The following ARHGEF28 variants were observed in gnomAD, a reference collection of about 807,000 sequenced individuals.
The protein encoded by ARHGEF28 is Rho guanine nucleotide exchange factor 28, also known as 190 kDa guanine nucleotide exchange factor.
Under a neutral mutation model 206.6 loss-of-function variants are expected in ARHGEF28, and 152 were observed. The ratio of observed to expected loss-of-function variants is 0.74; its 90% CI spans 0.64 to 0.84. The LOEUF (loss-of-function observed/expected upper bound fraction) is 0.84, where lower values mean the gene tolerates loss of function less well. ARHGEF28 is among the 40% of genes least tolerant of loss of function. ARHGEF28 has a pLI of 0.00. For synonymous variants in ARHGEF28, 763 were observed against 776.4 expected, an observed-to-expected ratio of 0.98 and a Z score of 0.29; for missense variants, 2,028 against 2,073.2, an observed-to-expected ratio of 0.98 and a Z score of 0.42.
chr5:73,939,996 C>T (rs1054047632), intron 35 of ARHGEF28, among the ~76,000 whole-genome samples: 1 of 152,054 alleles, frequency 6.6e-6, no homozygotes, highest in African/African-American at 2.4e-5. Context: ...GCCCTCCTTT[C>T]CCACCTGGAC....
At chr5:73,697,627 C>G (rs1219996614) in intron 2 of ARHGEF28, among the ~76,000 whole-genome samples, 2 of 152,146 alleles carry the variant, frequency 1.3e-5, no homozygotes, top group Non-Finnish European at 2.9e-5. Flanking sequence ...ACCCATTAAT[C>G]ATGAATAGAT....
chr5:73,930,111 TGA>T (rs955821507), intron 35 of ARHGEF28, among the ~76,000 whole-genome samples: 62 of 152,208 alleles, frequency 4.1e-4, no homozygotes, highest in African/African-American at 1.5e-3. Context: ...GTCACATGAA[TGA>T]GAGTTTATTT....
chr5:73,908,117 T>A (rs1310316500), intron 33 of ARHGEF28, among the ~76,000 whole-genome samples: 2 of 152,222 alleles, frequency 1.3e-5, no homozygotes, highest in African/African-American at 4.8e-5. Flanking sequence ...AATCATTGTT[T>A]TATTTATAAC....
At chr5:73,939,708 C>A (rs1292447271) in intron 35 of ARHGEF28, among the ~76,000 whole-genome samples, 1 of 152,200 alleles carries the variant, frequency 6.6e-6, no homozygotes, top group Non-Finnish European at 1.5e-5. Context: ...TCCTTTCATT[C>A]CTGCCAAGCC....
At chr5:73,646,799 A>T (rs1744454052) in intron 1 of ARHGEF28, among the ~76,000 whole-genome samples, 1 of 152,236 alleles carries the variant, frequency 6.6e-6, no homozygotes, top group Non-Finnish European at 1.5e-5. Flanking sequence ...ATAAGATAGG[A>T]ATGTGTCTCT....
intron 35 of ARHGEF28, among the ~76,000 whole-genome samples, chr5:73,928,453 G>T (rs1033112021): frequency 6.6e-6 from 1 of 152,090 alleles, no homozygotes; most frequent in Admixed American, 6.6e-5. Flanking sequence ...AAATTAAAAA[G>T]AATTGGTTGC....
rs759156448 is a variant in ARHGEF28 at position 73,849,024 on chromosome 5, C to T, written c.1684C>T (p.Pro562Ser). 1 of 1,579,968 alleles carries T rather than the reference C, an allele frequency of 6.3e-7. No homozygotes were observed. The highest frequency in any genetic ancestry group is 1.8e-5 in the Admixed American group (1 of 55,434). Residue 562 changes from proline (P) to serine (S), a missense_variant, in exon 13 of 36, where the codon CCC becomes TCC. Physicochemically the swap from Pro to Ser is moderately conservative, Grantham distance 74 (BLOSUM62 -1). Coordinates refer to ENST00000513042, the MANE Select transcript of ARHGEF28 (RefSeq NM_001177693.2). ...CTCACGTTCTTATTCTTGCTCATCA[C>T]CCAAAATTTCTTTAGGAAAAACTCG... is the stretch of plus-strand genomic sequence containing the variant. ...VRSRSYSCSS[P>S]KISLGKTRLV...
intron 1 of ARHGEF28, among the ~76,000 whole-genome samples, chr5:73,666,403 G>A (rs192807199): frequency 2.0e-3 from 309 of 152,284 alleles, no homozygotes; most frequent in African/African-American, 6.9e-3. Context: ...GGGGTCTCAG[G>A]CGTTGCCTCA....
intron 1 of ARHGEF28, among the ~76,000 whole-genome samples, chr5:73,630,947 C>G (rs758609337): frequency 6.6e-6 from 1 of 152,220 alleles, no homozygotes; most frequent in Non-Finnish European, 1.5e-5. Context: ...TATTCCTTAT[C>G]TCTCCTTGAC....
chr5:73,840,869 C>A, intron 11 of ARHGEF28, 109 bp downstream of exon 11: 1 of 1,247,092 alleles, frequency 8.0e-7, no homozygotes, highest in Non-Finnish European at 1.1e-6. Context: ...CTTTTATTTG[C>A]CCATCAAAAT....
intron 26 of ARHGEF28, 42 bp downstream of exon 26, chr5:73,887,721 A>C (rs1219915722): frequency 1.4e-6 from 2 of 1,464,440 alleles, no homozygotes; most frequent in Non-Finnish European, 1.8e-6. Context: ...AATAGGTTTA[A>C]CCACACATTT....
rs574243799 is a variant in ARHGEF28 at position 73,788,717 on chromosome 5, C to T, written c.911-5685C>T. ...TTGTCTGCGTGTTTTATCAAATTGT[C>T]AAAAAATCTCCAAAAAAATTACCAA... is the stretch of plus-strand genomic sequence containing the variant. On this transcript the variant is annotated intron_variant, in intron 7 of 35. Transcript: ENST00000513042. 2.0e-5 allele frequency among the ~76,000 whole-genome samples: 3 copies of T among 152,060 alleles called. No individual in the cohort carries two copies. The South Asian group carries it at 6.2e-4, about 32-fold the overall frequency.
intron 2 of ARHGEF28, among the ~76,000 whole-genome samples, chr5:73,736,892 C>T (rs981599296): frequency 6.6e-6 from 1 of 151,822 alleles, no homozygotes; most frequent in Admixed American, 6.6e-5. Flanking sequence ...CAGTGAGGGG[C>T]AAGAAAGGAC....
intron 35 of ARHGEF28, among the ~76,000 whole-genome samples, chr5:73,913,970 T>C (rs1763063363): frequency 6.6e-6 from 1 of 152,174 alleles, no homozygotes. Context: ...TCAGTGAAAA[T>C]GTGAATTTCT....
rs529464850 is a variant in ARHGEF28 at position 73,713,652 on chromosome 5, G to T, written c.33+28768G>T. Reference sequence around the variant, plus strand: ...AACACAGAAACATGTTTTTTTGGTGGGGGGAGGGTAAGCGAGAAAGGTCAC... The same window carrying T: ...AACACAGAAACATGTTTTTTTGGTGTGGGGAGGGTAAGCGAGAAAGGTCAC... On this transcript the variant is annotated intron_variant, in intron 2 of 35. Transcript: ENST00000513042. Among the ~76,000 whole-genome samples the T allele has an allele frequency of 9.9e-5, 15 of 152,212 alleles. No homozygotes were observed. The South Asian group carries it at 2.1e-3, about 21-fold the overall frequency.
At chr5:73,674,572 C>G (rs961174169) in intron 1 of ARHGEF28, among the ~76,000 whole-genome samples, 2 of 152,190 alleles carry the variant, frequency 1.3e-5, no homozygotes, top group Non-Finnish European at 2.9e-5. Context: ...TGCCTAAACT[C>G]CTTAGAATCT....
At chr5:73,807,578 A>G (rs1443407254) in intron 9 of ARHGEF28, among the ~76,000 whole-genome samples, 1 of 150,940 alleles carries the variant, frequency 6.6e-6, no homozygotes, top group Non-Finnish European at 1.5e-5. Flanking sequence ...TCCACCTCCC[A>G]GGTTCAAGTG....
rs369381096 is a variant in ARHGEF28, at chr5:73,846,260, T to C, written c.1428-8T>C. ...CTTCTTTACTTACTTGCTGGCTTTG[T>C]GCTTTAGTTCTAGCCTTGATGCCTT... On this transcript the variant is annotated splice_region_variant and splice_polypyrimidine_tract_variant and intron_variant, in intron 11 of 35. Transcript: ENST00000513042. 2.6e-5 allele frequency: 42 copies of C among 1,612,534 alleles called. No homozygotes were observed. Among genetic ancestry groups the C allele is most frequent in the Non-Finnish European group, 3.3e-5 (39 of 1,179,450 alleles).
chr5:73,795,722 G>A (rs1190599862), intron 9 of ARHGEF28, among the ~76,000 whole-genome samples: 1 of 152,216 alleles, frequency 6.6e-6, no homozygotes, highest in Non-Finnish European at 1.5e-5. Context: ...AGGTGAAGCA[G>A]TTGAAGCACT....
Sources: allele counts gnomAD v4.1 joint callset (sites outside exome capture counted in the v4.1 genomes callset), GRCh38; gene constraint gnomAD v4.1.1; transcripts MANE v1.5; gene names NCBI Gene and HGNC (gene_info 2026-07-23, HGNC 2026-07-21).